The following KLHL32 variants were observed in gnomAD, a reference collection of about 807,000 sequenced individuals.
KLHL32 encodes the protein kelch like family member 32.
In KLHL32, 35 loss-of-function variants were observed where a neutral mutation model predicts 64.8. The observed-to-expected ratio is 0.54, with a 90% CI of 0.41 to 0.72. KLHL32 has a LOEUF of 0.72. Among genes scored for constraint, KLHL32 ranks in the 30% least tolerant of loss-of-function variants. The probability of loss-of-function intolerance (pLI) is 0.00; values close to 1 mark genes in which losing one functional copy is unlikely to be tolerated. For synonymous variants in KLHL32, 259 were observed against 281.0 expected, an observed-to-expected ratio of 0.92 and a Z score of 0.78; for missense variants, 589 against 768.5, an observed-to-expected ratio of 0.77 and a Z score of 2.76.
intron 1 of KLHL32, among the ~76,000 whole-genome samples, chr6:96,949,252 A>G (rs1014548252): frequency 3.3e-5 from 5 of 152,198 alleles, no homozygotes; most frequent in African/African-American, 1.2e-4. Context: ...TTTCAAATGG[A>G]TGAGTCTTTC....
chr6:97,009,167 T>C (rs1192394760), intron 3 of KLHL32, among the ~76,000 whole-genome samples: 6 of 150,828 alleles, frequency 4.0e-5, no homozygotes, highest in Non-Finnish European at 7.4e-5. Context: ...ACATACTAGA[T>C]GTTAAACTGA....
At chr6:97,090,760 A>C (rs566773502) in intron 6 of KLHL32, among the ~76,000 whole-genome samples, 3 of 152,354 alleles carry the variant, frequency 2.0e-5, no homozygotes, top group African/African-American at 7.2e-5. Context: ...CTGTAGTACA[A>C]AAGGGAAAAC....
chr6:97,118,393 C>T (rs898756793), intron 7 of KLHL32, among the ~76,000 whole-genome samples: 8 of 151,966 alleles, frequency 5.3e-5, no homozygotes, highest in East Asian at 1.9e-4. Flanking sequence ...CCGAGGCGGG[C>T]GGATCGCCTG....
intron 3 of KLHL32, among the ~76,000 whole-genome samples, chr6:97,026,984 A>T (rs1456994706): frequency 1.3e-5 from 2 of 151,988 alleles, no homozygotes; most frequent in Non-Finnish European, 2.9e-5. Context: ...CAATGTGGTG[A>T]AACCCTGTCT....
intron 6 of KLHL32, among the ~76,000 whole-genome samples, chr6:97,094,992 T>A (rs938293442): frequency 3.9e-5 from 6 of 152,256 alleles, no homozygotes; most frequent in African/African-American, 1.2e-4. Flanking sequence ...TTAAAACAAG[T>A]GAGCATAATA....
At chr6:97,121,510 G>A (rs1317891231) in intron 7 of KLHL32, among the ~76,000 whole-genome samples, 6 of 152,122 alleles carry the variant, frequency 3.9e-5, no homozygotes. Flanking sequence ...AATTTAAAAT[G>A]TAAAGAGAAA....
intron 3 of KLHL32, among the ~76,000 whole-genome samples, chr6:96,984,647 G>C (rs1776772683): frequency 6.6e-6 from 1 of 152,130 alleles, no homozygotes; most frequent in African/African-American, 2.4e-5. Context: ...TGTCTCTTTT[G>C]ATCTTTGTTG....
intron 6 of KLHL32, among the ~76,000 whole-genome samples, chr6:97,091,981 C>CTTTTTTTTT (rs11340950): frequency 1.3e-4 from 17 of 132,372 alleles, no homozygotes; most frequent in African/African-American, 2.2e-4. Flanking sequence ...CTCTTTCTTT[C>CTTTTTTTTT]TTTTTTTTTT....
At chr6:97,136,821 T>A (rs1168766738) in intron 10 of KLHL32, among the ~76,000 whole-genome samples, 2 of 152,216 alleles carry the variant, frequency 1.3e-5, no homozygotes, top group African/African-American at 4.8e-5. Context: ...GCTTAACATA[T>A]GCAGTCTCTG....
chr6:96,905,641 A>T, the KLHL32 span, among the ~76,000 whole-genome samples: 4 of 152,234 alleles, frequency 2.6e-5, no homozygotes, highest in Non-Finnish European at 1.5e-5. Context: ...GTGAGATATG[A>T]TCCATTTGAA....
At chr6:97,021,722 C>T (rs1303167321) in intron 3 of KLHL32, among the ~76,000 whole-genome samples, 1 of 150,900 alleles carries the variant, frequency 6.6e-6, no homozygotes, top group Non-Finnish European at 1.5e-5. Flanking sequence ...CCGAATTGGA[C>T]TTCCCCTAAA....
chr6:97,132,579 C>T (rs1220004321), intron 9 of KLHL32, 74 bp from the exon 10 acceptor site: 3 of 1,123,074 alleles, frequency 2.7e-6, no homozygotes, highest in Non-Finnish European at 4.0e-6. Context: ...TTGTATCCCT[C>T]AGTGGCAAAA....
At chr6:97,090,362 T>C (rs1794052151) in intron 6 of KLHL32, among the ~76,000 whole-genome samples, 2 of 152,252 alleles carry the variant, frequency 1.3e-5, no homozygotes, top group South Asian at 4.1e-4. Flanking sequence ...TCATTTTATA[T>C]CTTGAGAGAC....
At chr6:97,002,203 G>A (rs556196088) in intron 3 of KLHL32, among the ~76,000 whole-genome samples, 10 of 152,202 alleles carry the variant, frequency 6.6e-5, no homozygotes, top group East Asian at 1.9e-4. Flanking sequence ...AAGACAGCCC[G>A]GCAGAGAGAA....
chr6:97,132,768 T>C, intron 10 of KLHL32, 21 bp downstream of exon 10: 1 of 1,545,032 alleles, frequency 6.5e-7, no homozygotes, highest in Non-Finnish European at 8.9e-7. Flanking sequence ...GAAGTTCCTT[T>C]TGAAGTTTGT....
intron 6 of KLHL32, among the ~76,000 whole-genome samples, chr6:97,098,657 C>T (rs920070329): frequency 6.6e-6 from 1 of 152,144 alleles, no homozygotes; most frequent in African/African-American, 2.4e-5. Context: ...TGTTTTAATG[C>T]AGCCCTTATT....
intron 2 of KLHL32, among the ~76,000 whole-genome samples, chr6:96,969,244 T>C (rs1446819852): frequency 6.6e-6 from 1 of 152,154 alleles, no homozygotes; most frequent in East Asian, 1.9e-4. Flanking sequence ...GACCTTGTTA[T>C]CCTTAGTAAT....
At chr6:97,054,063 G>C (rs1370620173) in intron 4 of KLHL32, among the ~76,000 whole-genome samples, 4 of 152,014 alleles carry the variant, frequency 2.6e-5, no homozygotes, top group Non-Finnish European at 5.9e-5. Context: ...CAGTATATGG[G>C]AGTTTTACAA....
At chr6:97,057,618 G>GT (rs1788221473) in intron 4 of KLHL32, among the ~76,000 whole-genome samples, 3 of 120,476 alleles carry the variant, frequency 2.5e-5, no homozygotes, top group African/African-American at 1.2e-4. Flanking sequence ...TTAAGATCTT[G>GT]TTTTTTGATA....
Sources: allele counts gnomAD v4.1 joint callset (sites outside exome capture counted in the v4.1 genomes callset), GRCh38; gene constraint gnomAD v4.1.1; transcripts MANE v1.5; gene names NCBI Gene and HGNC (gene_info 2026-07-23, HGNC 2026-07-21).